Variants in RAPH1 observed in about 807,000 individuals in gnomAD.
The protein encoded by RAPH1 is ras-associated and pleckstrin homology domains-containing protein 1.
RAPH1 carries 18 observed loss-of-function variants against 88.1 expected under a neutral mutation model. The observed-to-expected ratio is 0.20, with a 90% CI of 0.14 to 0.30. The LOEUF is 0.30. Among genes scored for constraint, RAPH1 ranks in the 10% least tolerant of loss-of-function variants. RAPH1 has a pLI of 1.00. For synonymous variants in RAPH1, 587 were observed against 559.0 expected (o/e 1.05, Z -0.71); for missense variants, 1,448 against 1,543.2 (o/e 0.94, Z 1.03).
At position 203,439,311 on chromosome 2, in the gene RAPH1, CAT is replaced by C; in HGVS notation, c.*124_*125del. Reference sequence around the variant, plus strand: ...ATGCACGTGTACACACACACATACACATATAGCTGGACACTACCTGAATAACA... The same window carrying C: ...ATGCACGTGTACACACACACATACACATAGCTGGACACTACCTGAATAACA... On this transcript the variant is annotated 3_prime_UTR_variant, in exon 14 of 14. Coordinates refer to ENST00000319170, the MANE Select transcript of RAPH1 (RefSeq NM_213589.3). 3.7e-6 allele frequency: 3 copies of C among 810,352 alleles called. No individual in the cohort carries two copies. Among genetic ancestry groups the C allele is most frequent in the South Asian group, 1.6e-5 (1 of 61,250 alleles). 50.2% of individuals were successfully genotyped at this position (810,352 alleles called of 1,614,324 possible). A position where few individuals can be genotyped will look rare whatever the true frequency, so the allele number is the denominator to read the frequency against.
chr2:203,449,110 A>G (rs2098512541), intron 10 of RAPH1, among the ~76,000 whole-genome samples: 1 of 152,274 alleles, frequency 6.6e-6, no homozygotes, highest in Admixed American at 6.5e-5. Context: ...TTCCTTCTAC[A>G]TTTCAAAGAA....
At chr2:203,443,539 C>G (rs1451438754) in intron 13 of RAPH1, 3 of 151,842 alleles carry the variant, frequency 2.0e-5, no homozygotes, top group African/African-American at 7.3e-5. Flanking sequence ...ATGCAAGGCT[C>G]AGGAATCCAA....
chr2:203,489,687 G>A lies in RAPH1; in HGVS notation c.629C>T (p.Ser210Phe). 1 of 1,614,138 alleles carries A rather than the reference G, an allele frequency of 6.2e-7. No individual in the cohort carries two copies. The highest frequency in any genetic ancestry group is 8.5e-7 in the Non-Finnish European group (1 of 1,180,024). The change falls in exon 4 of 14, where the codon TCC becomes TTC. Residue 210 changes from serine (S) to phenylalanine (F), a missense_variant. Physicochemically the swap from Ser to Phe is radical, Grantham distance 155 (BLOSUM62 -2). Around this residue, in one of 2 missense-constraint regions of RAPH1, gnomAD observed 513 missense variants for 653.1 expected, o/e 0.79. Coordinates refer to ENST00000319170, the MANE Select transcript of RAPH1 (RefSeq NM_213589.3). ...EVHSISNSSH[S>F]SITSAASSMD... Reference sequence around the variant, plus strand: ...GCTGGAGGCTGCGGAAGTGATGCTGGAATGGGAGGAATTACTAATAGAGTG... The same window carrying A: ...GCTGGAGGCTGCGGAAGTGATGCTGAAATGGGAGGAATTACTAATAGAGTG...
At chr2:203,478,044 T>G (rs1310502980) in intron 4 of RAPH1, among the ~76,000 whole-genome samples, 1 of 151,940 alleles carries the variant, frequency 6.6e-6, no homozygotes, top group African/African-American at 2.4e-5. Context: ...TTGTTTTTTT[T>G]TTTTTTGAGA....
intron 12 of RAPH1, chr2:203,447,370 A>C (rs967914999): frequency 1.3e-5 from 2 of 152,340 alleles, no homozygotes; most frequent in South Asian, 4.1e-4. Context: ...ATGTATGTGT[A>C]TATACACATT....
At chr2:203,455,949 C>T (rs374507796) in intron 8 of RAPH1, among the ~76,000 whole-genome samples, 3 of 152,172 alleles carry the variant, frequency 2.0e-5, no homozygotes, top group African/African-American at 7.2e-5. Flanking sequence ...GCGGAGATTG[C>T]AGTGAGCTGA....
chr2:203,523,868 G>C (rs898354939), intron 1 of RAPH1, among the ~76,000 whole-genome samples: 1 of 152,122 alleles, frequency 6.6e-6, no homozygotes, highest in Non-Finnish European at 1.5e-5. Context: ...GCTGGGTGTG[G>C]TGGCATGCGC....
intron 7 of RAPH1, among the ~76,000 whole-genome samples, chr2:203,458,241 C>T (rs1360280047): frequency 6.6e-6 from 1 of 152,022 alleles, no homozygotes; most frequent in Non-Finnish European, 1.5e-5. Context: ...TGGCAGCACG[C>T]ACCTGTAGTC....
At chr2:203,444,490 A>C (rs919594409) in intron 13 of RAPH1, 8 of 234,388 alleles carry the variant, frequency 3.4e-5, no homozygotes, top group African/African-American at 1.1e-4. Context: ...AGAGAACTGT[A>C]AACAGCTTCT....
At chr2:203,458,065 TGACTC>T (rs2098521221) in intron 7 of RAPH1, among the ~76,000 whole-genome samples, 1 of 152,146 alleles carries the variant, frequency 6.6e-6, no homozygotes, top group African/African-American at 2.4e-5. Flanking sequence ...CTCATTTACT[TGACTC>T]AACTAAAAAT....
intron 1 of RAPH1, among the ~76,000 whole-genome samples, chr2:203,519,698 T>C (rs1689778895): frequency 6.6e-6 from 1 of 152,090 alleles, no homozygotes; most frequent in African/African-American, 2.4e-5. Context: ...AACCATGATA[T>C]TTTTACTCAA....
rs546741166 is a variant in RAPH1 at position 203,455,751 on chromosome 2, T to C, written c.1159-171A>G. Among the ~76,000 whole-genome samples, 41 of 151,990 alleles carry C rather than the reference T, an allele frequency of 2.7e-4. 1 individual carries two copies. In the South Asian group the frequency reaches 6.0e-3, roughly 22 times the overall value. On this transcript the variant is annotated intron_variant, in intron 8 of 13. Transcript: ENST00000319170. The stretch of plus-strand genomic sequence containing the variant: ...CTTTCCAGCCAGGTGTAGTGGCTCA[T>C]GCCTGTAATCCCAGCACTTTGGGAA...
At chr2:203,529,938 T>C (rs1690316240) in intron 1 of RAPH1, among the ~76,000 whole-genome samples, 1 of 152,204 alleles carries the variant, frequency 6.6e-6, no homozygotes, top group African/African-American at 2.4e-5. Context: ...GCGTCTTCAG[T>C]GTCATCTTCT....
At chr2:203,499,423 A>AT (rs1688645862) in intron 1 of RAPH1, among the ~76,000 whole-genome samples, 2 of 151,848 alleles carry the variant, frequency 1.3e-5, no homozygotes, top group African/African-American at 4.8e-5. Context: ...TTTAACAGCA[A>AT]CAAAAAAAAA....
chr2:203,460,074 T>G (rs1314661947), intron 6 of RAPH1, 46 bp from the exon 7 acceptor site: 3 of 1,546,220 alleles, frequency 1.9e-6, no homozygotes, highest in Non-Finnish European at 2.6e-6. Flanking sequence ...TTCATTAGAG[T>G]TGCATGAAAG....
chr2:203,477,813 TGAG>T (rs918341187), intron 4 of RAPH1, among the ~76,000 whole-genome samples: 7 of 151,992 alleles, frequency 4.6e-5, no homozygotes, highest in Admixed American at 2.0e-4. Flanking sequence ...ACATTGGGGG[TGAG>T]GAGAAGAGGA....
chr2:203,439,720 G>T lies in RAPH1; in HGVS notation c.3470C>A (p.Ser1157Tyr). ...VVPQVPTSPK[S>Y]SLSVQPGFLA... ...GAATCCAGGCTGGACACTAAGGCTG[G>T]ATTTGGGAGAGGTGGGCACTTGTGG... The change falls in exon 14 of 14, where the codon TCC becomes TAC. Residue 1157 changes from serine to tyrosine, a missense_variant. Physicochemically the swap from Ser to Tyr is moderately radical, Grantham distance 144 (BLOSUM62 -2). Transcript: ENST00000319170. 6.2e-7 allele frequency: 1 copy of T among 1,614,162 alleles called. No individual in the cohort carries two copies. Among genetic ancestry groups the T allele is most frequent in the Non-Finnish European group, 8.5e-7 (1 of 1,180,036 alleles).
At position 203,439,411 on chromosome 2, in the gene RAPH1, A is replaced by G; in HGVS notation, c.*26T>C. On this transcript the variant is annotated 3_prime_UTR_variant, in exon 14 of 14. Coordinates refer to ENST00000319170, the MANE Select transcript of RAPH1 (RefSeq NM_213589.3). ...GCTGATTGTAGCAGTGATTACAGATATCATGAAAATAAAGTCCTATGGTGG... is the reference window on the plus strand; with the variant it reads ...GCTGATTGTAGCAGTGATTACAGATGTCATGAAAATAAAGTCCTATGGTGG... The G allele has an allele frequency of 6.3e-7, 1 of 1,598,922 alleles. No individual in the cohort carries two copies. Among genetic ancestry groups the G allele is most frequent in the East Asian group, 2.2e-5 (1 of 44,640 alleles).
chr2:203,451,960 A>C (rs1053510787), intron 10 of RAPH1, among the ~76,000 whole-genome samples: 1 of 152,198 alleles, frequency 6.6e-6, no homozygotes, highest in African/African-American at 2.4e-5. Flanking sequence ...AAATACAGGG[A>C]GCAATAATCC....
Sources: gnomAD v4.1 joint callset for allele counts (sites outside exome capture counted in the v4.1 genomes callset) on GRCh38, gnomAD v4.1.1 for gene constraint, gnomAD v4.1.1 regional missense constraint, MANE v1.5 for transcripts, NCBI Gene and HGNC (gene_info 2026-07-23, HGNC 2026-07-21) for gene names.